Variants in CNIH3 observed in about 807,000 individuals in gnomAD.
CNIH3 encodes the protein protein cornichon homolog 3.
In CNIH3, 14 loss-of-function variants were observed where a neutral mutation model predicts 24.1. The observed-to-expected ratio is 0.58, with a 90% CI of 0.38 to 0.91. CNIH3 has a LOEUF of 0.91. CNIH3 is among the 40% of genes least tolerant of loss of function. CNIH3 has a pLI of 0.00. For missense variants in CNIH3, 178 were observed against 196.8 expected (o/e 0.90, Z 0.57); for synonymous variants, 68 against 73.8 (o/e 0.92, Z 0.40).
chr1:224,529,825 A>G (rs567338004), intron 2 of CNIH3, among the ~76,000 whole-genome samples: 3 of 152,358 alleles, frequency 2.0e-5, no homozygotes, highest in Non-Finnish European at 2.9e-5. Context: ...TTTGTTTCTG[A>G]TAACGGGCTG....
At chr1:224,634,784 T>A (rs1242713758) in intron 1 of CNIH3, among the ~76,000 whole-genome samples, 1 of 152,116 alleles carries the variant, frequency 6.6e-6, no homozygotes, top group East Asian at 1.9e-4. Context: ...GCATCTGTTC[T>A]GTGTTGAGCA....
upstream of CNIH3, chr1:224,513,687 A>G (rs1388459913): frequency 6.6e-6 from 1 of 152,246 alleles, no homozygotes; most frequent in Non-Finnish European, 1.5e-5. Context: ...GTTACACATT[A>G]ATTCAATATA....
intron 1 of CNIH3, among the ~76,000 whole-genome samples, chr1:224,469,507 A>G (rs1046678255): frequency 6.6e-6 from 1 of 152,024 alleles, no homozygotes; most frequent in African/African-American, 2.4e-5. Flanking sequence ...AGAATTTTTT[A>G]TTATTTATTT....
At chr1:224,598,274 C>T (rs757839375) in intron 3 of CNIH3, among the ~76,000 whole-genome samples, 73 of 152,230 alleles carry the variant, frequency 4.8e-4, no homozygotes, top group Admixed American at 2.1e-3. Context: ...GAATCAGAAG[C>T]GGAGCCTGAA....
chr1:224,503,213 A>G (rs1156719346), intron 1 of CNIH3, among the ~76,000 whole-genome samples: 1 of 152,156 alleles, frequency 6.6e-6, no homozygotes, highest in African/African-American at 2.4e-5. Flanking sequence ...ATACAATTTA[A>G]TTGTGTGTAA....
intron 1 of CNIH3, among the ~76,000 whole-genome samples, chr1:224,664,433 T>G (rs1003652338): frequency 3.3e-5 from 5 of 152,226 alleles, no homozygotes; most frequent in African/African-American, 1.2e-4. Context: ...ATTCAAAATT[T>G]GGACCACATT....
intron 1 of CNIH3, among the ~76,000 whole-genome samples, chr1:224,480,320 C>T (rs541870873): frequency 9.7e-4 from 148 of 152,310 alleles, no homozygotes; most frequent in African/African-American, 3.4e-3. Context: ...TCTCCTAGGC[C>T]TCTGGGCCTG....
Position 224,560,992 on chromosome 1 carries a change from C to CACCTATAT in CNIH3, n.451-5205_451-5198dup, listed in dbSNP as rs1408141580. ...TTCCCTCGTGATTAATGATATTCAGCACCTATATATGTTTACTGGCCATTT... is the reference window on the plus strand; with the variant it reads ...TTCCCTCGTGATTAATGATATTCAGCACCTATATACCTATATATGTTTACTGGCCATTT... On this transcript the variant is annotated intron_variant and non_coding_transcript_variant, in intron 3 of 5. Transcript: ENST00000471578. Among the ~76,000 whole-genome samples the CACCTATAT allele has an allele frequency of 7.2e-5, 11 of 152,246 alleles. 1 individual carries two copies. Among genetic ancestry groups the CACCTATAT allele is most frequent in the African/African-American group, 2.6e-4 (11 of 41,542 alleles).
At chr1:224,656,135 T>C (rs1388255625) in intron 1 of CNIH3, among the ~76,000 whole-genome samples, 1 of 152,232 alleles carries the variant, frequency 6.6e-6, no homozygotes, top group Admixed American at 6.5e-5. Context: ...ATGGGGAATC[T>C]GACCATCAAT....
intron 1 of CNIH3, among the ~76,000 whole-genome samples, chr1:224,439,147 G>A (rs1674786646): frequency 6.6e-6 from 1 of 152,178 alleles, no homozygotes. Flanking sequence ...TTTACCTGCT[G>A]TTCTATGCAT....
chr1:224,473,367 A>G (rs2102999986), intron 1 of CNIH3, among the ~76,000 whole-genome samples: 1 of 152,268 alleles, frequency 6.6e-6, no homozygotes, highest in African/African-American at 2.4e-5. Context: ...ACACTCAACA[A>G]TCAAAAGGCA....
intron 1 of CNIH3, among the ~76,000 whole-genome samples, chr1:224,475,799 A>T (rs1270546537): frequency 6.6e-6 from 1 of 152,192 alleles, no homozygotes; most frequent in Non-Finnish European, 1.5e-5. Context: ...AATAAAAGAA[A>T]ACTACAGGCC....
chr1:224,445,140 T>C (rs150959683), intron 1 of CNIH3, among the ~76,000 whole-genome samples: 1 of 152,278 alleles, frequency 6.6e-6, no homozygotes, highest in East Asian at 1.9e-4. Context: ...TGATGACTAA[T>C]GGTGTGTGTA....
At chr1:224,667,727 G>C (rs1685661522) in intron 1 of CNIH3, among the ~76,000 whole-genome samples, 1 of 150,844 alleles carries the variant, frequency 6.6e-6, no homozygotes, top group African/African-American at 2.4e-5. Context: ...ACTTTGAAGG[G>C]CAGTCAAGGA....
intron 3 of CNIH3, among the ~76,000 whole-genome samples, chr1:224,694,359 TA>T (rs1168843173): frequency 6.6e-6 from 1 of 152,160 alleles, no homozygotes; most frequent in African/African-American, 2.4e-5. Flanking sequence ...GAAGAAACCC[TA>T]AAACTGTCAG....
chr1:224,686,471 G>A (rs1330034468), intron 3 of CNIH3, among the ~76,000 whole-genome samples: 1 of 152,152 alleles, frequency 6.6e-6, no homozygotes. Context: ...AAACATACGT[G>A]TGCATGTGTC....
At chr1:224,646,724 A>T (rs928881713) in intron 1 of CNIH3, among the ~76,000 whole-genome samples, 4 of 152,156 alleles carry the variant, frequency 2.6e-5, no homozygotes, top group African/African-American at 9.7e-5. Context: ...GCAGGTTTTT[A>T]AAGGCAAAAG....
intron 2 of CNIH3, among the ~76,000 whole-genome samples, chr1:224,529,753 T>C (rs1558133602): frequency 6.6e-6 from 1 of 152,170 alleles, no homozygotes. Context: ...ATGGGGAAAA[T>C]GAAGAAACGC....
chr1:224,576,013 A>G (rs760024487), intron 4 of CNIH3, among the ~76,000 whole-genome samples: 1 of 152,214 alleles, frequency 6.6e-6, no homozygotes, highest in Non-Finnish European at 1.5e-5. Context: ...GAACAACTGC[A>G]TCCATTCTTG....
Sources: gnomAD v4.1 joint callset for allele counts (sites outside exome capture counted in the v4.1 genomes callset) on GRCh38, gnomAD v4.1.1 for gene constraint, MANE v1.5 for transcripts, NCBI Gene and HGNC (gene_info 2026-07-23, HGNC 2026-07-21) for gene names.